The following GPR179 variants were observed in gnomAD, a reference collection of about 807,000 sequenced individuals.
The protein encoded by GPR179 is probable G protein-coupled receptor 179.
Under a neutral mutation model 70.8 loss-of-function variants are expected in GPR179, and 52 were observed. The observed-to-expected ratio is 0.73, with a 90% CI of 0.59 to 0.93. The LOEUF is 0.93. Ranked by LOEUF, GPR179 falls within the 40% of genes least tolerant of loss-of-function variation. The pLI, the probability that GPR179 is intolerant of heterozygous loss-of-function variation, is 0.00. For synonymous variants in GPR179, 1,123 were observed against 1,169.0 expected (o/e 0.96, Z 0.80); for missense variants, 2,734 against 2,966.8 (o/e 0.92, Z 1.82).
At chr17:38,342,332 A>G (rs1597670832) in intron 1 of GPR179, among the ~76,000 whole-genome samples, 2 of 134,044 alleles carry the variant, frequency 1.5e-5, no homozygotes, top group African/African-American at 6.2e-5. Context: ...ATACTGACAC[A>G]TCTTTTTTTT....
Position 38,330,095 on chromosome 17 carries a change from G to A in GPR179, c.3474C>T (p.Asn1158=), listed in dbSNP as rs755044433. The change falls in exon 11 of 11, where the codon AAC becomes AAT. Residue 1158 remains asparagine (N), a synonymous_variant. Transcript: ENST00000616987. The part of the protein sequence containing the change: ...DDKESLQNQQ[N]AHTSRMLQVC... Reference sequence around the variant, plus strand: ...CTTGGAGCATCCTGCTGGTGTGAGCGTTCTGTTGGTTCTGGAGGGACTCCT... The same window carrying A: ...CTTGGAGCATCCTGCTGGTGTGAGCATTCTGTTGGTTCTGGAGGGACTCCT... 3.1e-5 allele frequency: 50 copies of A among 1,613,114 alleles called. No individual in the cohort carries two copies. The East Asian group carries it at 3.6e-4, about 12-fold the overall frequency.
In GPR179 at chr17:38,331,103, G is replaced by T. The variant is rs745552167; in HGVS notation, c.2466C>A (p.Asn822Lys). 6.2e-7 allele frequency: 1 copy of T among 1,602,354 alleles called. No individual in the cohort carries two copies. The change falls in exon 11 of 11, where the codon AAC (asparagine) becomes AAA (lysine). Residue 822 changes from asparagine (N) to lysine (K), a missense_variant. Asn to Lys is a moderately conservative substitution (Grantham distance 94). Transcript: ENST00000616987. ...TGGGTAGCCTCTCTCCCACCGTCAG[G>T]TTGTGGGCGCTGGCTGACCTGAAGC... ...ALGFRSASAHNLTVGERLPRA... is the reference protein window; with the variant it reads ...ALGFRSASAHKLTVGERLPRA...
rs776543973 is a variant in GPR179, at chr17:38,343,228, G to T, written c.562C>A (p.Pro188Thr). 41 of 1,614,010 alleles carry T rather than the reference G, an allele frequency of 2.5e-5. No individual in the cohort carries two copies. Among genetic ancestry groups the T allele is most frequent in the Non-Finnish European group, 3.4e-5 (40 of 1,180,012 alleles). Residue 188 changes from proline to threonine, a missense_variant, in exon 1 of 11, where the codon CCT (proline) becomes ACT (threonine). Transcript: ENST00000616987. The surrounding 1 kb of genome is among the most constrained non-coding windows in gnomAD (Gnocchi z 4.2). ...LSGNWVQEEN[P>T]PGDLDTPALK... ...GCAGGGGTGTCCAGGTCCCCAGGAGGGTTCTCCTCCTGCACCCAGTTCCCA... is the reference window on the plus strand; with the variant it reads ...GCAGGGGTGTCCAGGTCCCCAGGAGTGTTCTCCTCCTGCACCCAGTTCCCA...
rs1214263544 is a variant in GPR179 at position 38,343,432 on chromosome 17, C to T, written c.358G>A (p.Glu120Lys). ...TCCACATCCTCCTCCACACTGGACT[C>T]ACGGATGTCGTTGGCTTGCAGCAGC... Reference protein sequence around the residue: ...NMLLQANDIRESSVEEDVEWY... With the variant: ...NMLLQANDIRKSSVEEDVEWY... Residue 120 changes from glutamate (E) to lysine (K), a missense_variant, in exon 1 of 11, where the codon GAG (glutamate) becomes AAG (lysine). By Grantham distance (56) the Glu-to-Lys change is moderately conservative (BLOSUM62 1). Transcript: ENST00000616987. The surrounding 1 kb of genome is among the most constrained non-coding windows in gnomAD (Gnocchi z 4.2). 2.5e-6 allele frequency: 4 copies of T among 1,614,036 alleles called. No individual in the cohort carries two copies. The highest frequency in any genetic ancestry group is 1.3e-5 in the African/African-American group (1 of 74,930).
rs199691238 is a variant in GPR179 at position 38,328,856 on chromosome 17, C to A, written c.4713G>T (p.Gln1571His). 3 of 1,613,346 alleles carry A rather than the reference C, an allele frequency of 1.9e-6. No homozygotes were observed. The highest frequency in any genetic ancestry group is 1.7e-5 in the Admixed American group (1 of 59,940). ...FLCNGGSRAT[Q>H]VCPQEDLRPE... ...GCCTGAGATCTTCCTGTGGACACAC[C>A]TGCGTTGCTCTGCTTCCTCCATTGC... The change falls in exon 11 of 11, where the codon CAG becomes CAT. Residue 1571 changes from glutamine to histidine, a missense_variant. Transcript: ENST00000616987.
chr17:38,336,953 G>A, intron 4 of GPR179, 25 bp downstream of exon 4: 3 of 1,562,754 alleles, frequency 1.9e-6, no homozygotes, highest in East Asian at 2.3e-5. Context: ...GGACATGTGT[G>A]TAGGAGGTGT....
At chr17:38,337,815 A>G in intron 2 of GPR179, 95 bp from the exon 3 acceptor site, 2 of 1,050,268 alleles carry the variant, frequency 1.9e-6, no homozygotes, top group Non-Finnish European at 2.9e-6. Context: ...CTACCTCCCT[A>G]TCCATGGGAC....
At chr17:38,333,228 G>A (rs1567724894) in intron 10 of GPR179, 23 bp downstream of exon 10, 3 of 1,609,662 alleles carry the variant, frequency 1.9e-6, no homozygotes, top group Non-Finnish European at 2.5e-6. Context: ...GCATTGAAAG[G>A]AGGCAGGGAG....
chr17:38,341,068 C>G (rs2037445550), intron 1 of GPR179, among the ~76,000 whole-genome samples: 1 of 152,204 alleles, frequency 6.6e-6, no homozygotes, highest in African/African-American at 2.4e-5. Context: ...CCCCTACAGG[C>G]ACTAGATCTG....
intron 4 of GPR179, 103 bp from the exon 5 acceptor site, chr17:38,336,247 C>A (rs919300543): frequency 3.1e-5 from 25 of 796,082 alleles, no homozygotes; most frequent in Non-Finnish European, 5.2e-5. Context: ...GCTAAGGCTT[C>A]ACCCTGTAAC....
chr17:38,335,628 CA>C lies in GPR179; in HGVS notation c.1368del (p.Phe456LeufsTer30), dbSNP rs1435030978. On this transcript the variant is annotated frameshift_variant, in exon 6 of 11. Transcript: ENST00000616987. LOFTEE classifies it high-confidence loss of function. ...AGTATGATGGTGCCGTAGACGATGG[CA>C]AAACCCAGCAGCCGCACCCAGCGAA... ...IALRWVRLLG[F>X]AIVYGTIILK... 31 of 1,613,934 alleles carry C rather than the reference CA, an allele frequency of 1.9e-5. No individual in the cohort carries two copies. The highest frequency in any genetic ancestry group is 2.6e-5 in the Non-Finnish European group (31 of 1,179,944).
Position 38,324,929 on chromosome 17 carries a change from TGCAGACTAGATGTTAATG to T in GPR179, c.*1518_*1535del, listed in dbSNP as rs1157390777. Among the ~76,000 whole-genome samples, 1 of 152,238 alleles carries T rather than the reference TGCAGACTAGATGTTAATG, an allele frequency of 6.6e-6. No individual in the cohort carries two copies. Among genetic ancestry groups the T allele is most frequent in the Admixed American group, 6.5e-5 (1 of 15,288 alleles). ...CCCATAACCGCCCAGCATATTTACA[TGCAGACTAGATGTTAATG>T]GCTCTTTTTCCCTTTGGGTATTTGG... On this transcript the variant is annotated 3_prime_UTR_variant, in exon 11 of 11. Transcript: ENST00000616987.
rs1444681489 is a variant in GPR179 at position 38,325,301 on chromosome 17, C to T, written c.*1164G>A. The stretch of plus-strand genomic sequence containing the variant: ...GAAGGCTTTGTCTTCACACAGTGCC[C>T]TTTTCCCAGCTCTCAGGCTTCTAAC... On this transcript the variant is annotated 3_prime_UTR_variant, in exon 11 of 11. Coordinates refer to ENST00000616987, the MANE Select transcript of GPR179 (RefSeq NM_001004334.4). Among the ~76,000 whole-genome samples the T allele has an allele frequency of 6.6e-6, 1 of 152,180 alleles. No individual in the cohort carries two copies. Among genetic ancestry groups the T allele is most frequent in the Non-Finnish European group, 1.5e-5 (1 of 68,042 alleles).
In GPR179 at chr17:38,343,673, A is replaced by T. The variant is rs1212023163; in HGVS notation, c.117T>A (p.Ser39=). 4.3e-6 allele frequency: 7 copies of T among 1,611,272 alleles called. No individual in the cohort carries two copies. Among genetic ancestry groups the T allele is most frequent in the Non-Finnish European group, 5.9e-6 (7 of 1,178,126 alleles). Residue 39 remains serine (S), a synonymous_variant, in exon 1 of 11, where the codon TCT becomes TCA. Coordinates refer to ENST00000616987, the MANE Select transcript of GPR179 (RefSeq NM_001004334.4). The surrounding 1 kb of genome is among the most constrained non-coding windows in gnomAD (Gnocchi z 4.2). ...GTACAGATCCTGGCTTGACTTGGGA[A>T]GACAGAGGGGGCAGAGAGCGGATGG... ...PRPIRSLPPL[S]SQVKPGSVPM...
At chr17:38,333,899 G>A in intron 9 of GPR179, 34 bp downstream of exon 9, 1 of 1,508,096 alleles carries the variant, frequency 6.6e-7, no homozygotes, top group Non-Finnish European at 9.2e-7. Flanking sequence ...GAGGGGCTGG[G>A]GTCCACCTCA....
At chr17:38,332,615 T>TTG (rs1445133960) in intron 10 of GPR179, among the ~76,000 whole-genome samples, 3 of 152,056 alleles carry the variant, frequency 2.0e-5, no homozygotes, top group East Asian at 3.9e-4. Context: ...TGAGGCTTTT[T>TTG]TGTGTGTGTG....
Position 38,343,208 on chromosome 17 carries a change from G to T in GPR179, c.582C>A (p.Thr194=), listed in dbSNP as rs756762102. 4.8e-5 allele frequency: 77 copies of T among 1,613,970 alleles called. No homozygotes were observed. The highest frequency in any genetic ancestry group is 6.4e-5 in the Non-Finnish European group (75 of 1,180,000). ...QEENPPGDLD[T]PALKKRVLTN... ...TCAACACTCGCTTCTTCAGGGCAGG[G>T]GTGTCCAGGTCCCCAGGAGGGTTCT... The change falls in exon 1 of 11, where the codon ACC becomes ACA. Residue 194 remains threonine (T), a synonymous_variant. Coordinates refer to ENST00000616987, the MANE Select transcript of GPR179 (RefSeq NM_001004334.4). The surrounding 1 kb of genome is among the most constrained non-coding windows in gnomAD (Gnocchi z 4.2).
chr17:38,333,861 G>A (rs960152311), intron 9 of GPR179, 72 bp downstream of exon 9: 97 of 1,209,454 alleles, frequency 8.0e-5, no homozygotes, highest in Non-Finnish European at 1.1e-4. Flanking sequence ...GGGCGCTGCG[G>A]GACAACCGCT....
rs2037415560 is a variant in GPR179 at position 38,337,497 on chromosome 17, C to T, written c.991+136G>A. 28 of 783,066 alleles carry T rather than the reference C, an allele frequency of 3.6e-5. 1 individual carries two copies. The South Asian group carries it at 4.9e-4, about 14-fold the overall frequency. 48.5% of individuals were successfully genotyped at this position (783,066 alleles called of 1,614,324 possible). On this transcript the variant is annotated intron_variant, in intron 3 of 10. Coordinates refer to ENST00000616987, the MANE Select transcript of GPR179 (RefSeq NM_001004334.4). The stretch of plus-strand genomic sequence containing the variant: ...ACTGCAACCTGCTTGCCTCTCCTGC[C>T]TCTCTCAACCTTCTGCCCTTGCCCC...
Sources: allele counts gnomAD v4.1 joint callset (sites outside exome capture counted in the v4.1 genomes callset), GRCh38; gene constraint gnomAD v4.1.1; non-coding constraint Gnocchi (gnomAD v3.1); transcripts MANE v1.5; gene names NCBI Gene and HGNC (gene_info 2026-07-23, HGNC 2026-07-21).